The following CEACAM3 variants were observed in gnomAD, a reference collection of about 807,000 sequenced individuals.
CEACAM3 encodes the protein CEA cell adhesion molecule 3.
A neutral mutation model predicts 30.1 loss-of-function variants in CEACAM3; 32 were observed. The observed-to-expected ratio is 1.06, with a 90% CI of 0.80 to 1.43. The LOEUF (loss-of-function observed/expected upper bound fraction) is 1.43, where lower values mean the gene tolerates loss of function less well. CEACAM3 is among the 40% of genes most tolerant of loss of function. The probability of loss-of-function intolerance (pLI) is 0.00; values close to 1 mark genes in which losing one functional copy is unlikely to be tolerated. For synonymous variants in CEACAM3, 134 were observed against 127.2 expected (o/e 1.05, Z -0.36); for missense variants, 290 against 316.3 (o/e 0.92, Z 0.63).
intron 5 of CEACAM3, 137 bp downstream of exon 5, chr19:41,810,491 G>T (rs1345812133): frequency 9.3e-7 from 1 of 1,080,730 alleles, no homozygotes. Context: ...GCCCTGCCCT[G>T]GCCAGGAGCT....
chr19:41,811,159 T>TC lies in CEACAM3; in HGVS notation c.694-12dup. The TC allele has an allele frequency of 6.2e-7, 1 of 1,613,974 alleles. No homozygotes were observed. Among genetic ancestry groups the TC allele is most frequent in the Non-Finnish European group, 8.5e-7 (1 of 1,179,866 alleles). ...AGACTAGAGGGGTCCAGGCCTCTTC[T>TC]CTGTTTTAACAGGAATTGCTAAAAC... On this transcript the variant is annotated splice_polypyrimidine_tract_variant and intron_variant, in intron 6 of 6. Transcript: ENST00000357396.
At position 41,803,037 on chromosome 19, in the gene CEACAM3, C is replaced by T. The variant is rs569162658; in HGVS notation, c.424+5089C>T. ...CCAGAATATCATGTCTGGCTTTCAA[C>T]AAAACTGCACAAGACAGACTAAGGC... is the stretch of plus-strand genomic sequence containing the variant. On this transcript the variant is annotated intron_variant, in intron 2 of 6. Transcript: ENST00000357396. Among the ~76,000 whole-genome samples the T allele has an allele frequency of 2.7e-5, 4 of 150,792 alleles. No individual in the cohort carries two copies. In the South Asian group the frequency reaches 6.4e-4, roughly 24 times the overall value.
intron 2 of CEACAM3, among the ~76,000 whole-genome samples, chr19:41,800,175 A>AG (rs528865141): frequency 7.7e-4 from 117 of 152,314 alleles, no homozygotes; most frequent in African/African-American, 2.5e-3. Flanking sequence ...CTCGCTCTAT[A>AG]ATCACAACCT....
At chr19:41,809,077 C>T (rs892619343) in intron 3 of CEACAM3, 147 bp downstream of exon 3, 3 of 616,336 alleles carry the variant, frequency 4.9e-6, no homozygotes, top group Admixed American at 5.7e-5. Flanking sequence ...CGGCTCCTCC[C>T]TCGTCAGCTC....
intron 2 of CEACAM3, among the ~76,000 whole-genome samples, chr19:41,804,837 CT>C (rs782813487): frequency 0.039 from 5,652 of 145,208 alleles, 129 homozygotes; most frequent in Non-Finnish European, 0.054. Context: ...CCCCAAATTT[CT>C]TTTTTTTTTT....
In CEACAM3 at chr19:41,811,289, A is replaced by C; in HGVS notation, c.*52A>C. On this transcript the variant is annotated 3_prime_UTR_variant, in exon 7 of 7. Coordinates refer to ENST00000357396, the MANE Select transcript of CEACAM3 (RefSeq NM_001815.5). Reference sequence around the variant, plus strand: ...TTGATGGAGAGTCCCCAAGGCCCCCAGCCCTGGGGATGGGGAAGGACATGA... The same window carrying C: ...TTGATGGAGAGTCCCCAAGGCCCCCCGCCCTGGGGATGGGGAAGGACATGA... 1 of 1,478,424 alleles carries C rather than the reference A, an allele frequency of 6.8e-7. No homozygotes were observed. Among genetic ancestry groups the C allele is most frequent in the South Asian group, 1.1e-5 (1 of 88,344 alleles). The allele number at this position is 1,478,424 out of a possible 1,614,324, so 91.6% of individuals were successfully genotyped here. A position where few individuals can be genotyped will look rare whatever the true frequency, so the allele number is the denominator to read the frequency against.
In CEACAM3 at chr19:41,796,697, C is replaced by T; in HGVS notation, c.20C>T (p.Ser7Phe). 1 of 1,614,092 alleles carries T rather than the reference C, an allele frequency of 6.2e-7. No homozygotes were observed. The highest frequency in any genetic ancestry group is 8.5e-7 in the Non-Finnish European group (1 of 1,179,962). The change falls in exon 1 of 7, where the codon TCT (serine) becomes TTT (phenylalanine). Residue 7 changes from serine to phenylalanine, a missense_variant. Ser to Phe is a radical substitution (Grantham distance 155). Transcript: ENST00000357396. MGPPSA[S>F]PHRECIPWQG... ...GAGACCATGGGGCCCCCCTCAGCCT[C>T]TCCCCACAGAGAATGCATCCCCTGG...
chr19:41,810,191 G>A, intron 4 of CEACAM3, 132 bp from the exon 5 acceptor site: 1 of 1,328,360 alleles, frequency 7.5e-7, no homozygotes, highest in Non-Finnish European at 1.1e-6. Flanking sequence ...TCACCTGTGG[G>A]CTCTGGGTCA....
intron 6 of CEACAM3, 26 bp downstream of exon 6, chr19:41,810,923 G>T: frequency 2.5e-6 from 4 of 1,604,822 alleles, no homozygotes; most frequent in Non-Finnish European, 3.4e-6. Context: ...GGATGTTCTG[G>T]TCCCACAGGC....
chr19:41,805,671 G>A (rs1225898133), intron 2 of CEACAM3, among the ~76,000 whole-genome samples: 1 of 152,156 alleles, frequency 6.6e-6, no homozygotes, highest in African/African-American at 2.4e-5. Context: ...GTCCTTGTAC[G>A]ACTGACTTCT....
Position 41,797,917 on chromosome 19 carries a change from T to C in CEACAM3, c.393T>C (p.Asn131=), listed in dbSNP as rs782185956. 1.6e-5 allele frequency: 25 copies of C among 1,611,220 alleles called. No individual in the cohort carries two copies. The highest frequency in any genetic ancestry group is 2.0e-5 in the Non-Finnish European group (23 of 1,178,538). Residue 131 remains asparagine (N), a synonymous_variant, in exon 2 of 7, where the codon AAT becomes AAC. Coordinates refer to ENST00000357396, the MANE Select transcript of CEACAM3 (RefSeq NM_001815.5). ...TLQVIKSDLV[N]EEATGQFHVY... The stretch of plus-strand genomic sequence containing the variant: ...AAGTCATAAAGTCAGATCTTGTGAA[T>C]GAAGAAGCAACTGGACAGTTCCATG...
In CEACAM3 at chr19:41,803,489, C is replaced by T. The variant is rs1401234736; in HGVS notation, c.425-5324C>T. Among the ~76,000 whole-genome samples, 97 of 62,038 alleles carry T rather than the reference C, an allele frequency of 1.6e-3. 3 individuals carry two copies. The highest frequency in any genetic ancestry group is 3.4e-3 in the African/African-American group (94 of 27,972). The allele number at this position is 62,038 out of a possible 152,430, so 40.7% of individuals were successfully genotyped here. A position where few individuals can be genotyped will look rare whatever the true frequency, so the allele number is the denominator to read the frequency against. ...TTGTTTGTTTTTTTTTTTTTTGAGA[C>T]AGAGTCTCGCTCTGTACCCCAGGCT... is the stretch of plus-strand genomic sequence containing the variant. On this transcript the variant is annotated intron_variant, in intron 2 of 6. Transcript: ENST00000357396.
intron 1 of CEACAM3, 74 bp from the exon 2 acceptor site, chr19:41,797,515 C>T: frequency 2.6e-6 from 4 of 1,545,258 alleles, no homozygotes; most frequent in Non-Finnish European, 3.5e-6. Flanking sequence ...AAGAGACTCT[C>T]TCAGGACCCA....
chr19:41,809,689 C>A, intron 3 of CEACAM3: 1 of 369,808 alleles, frequency 2.7e-6, no homozygotes. Context: ...CTGTTTCCTT[C>A]CTTGGGTCCT....
Position 41,804,058 on chromosome 19 carries a change from G to A in CEACAM3, c.425-4755G>A, listed in dbSNP as rs548732560. ...ATAGCGCGATTTCACTCCAGCCTGG[G>A]CAACAAGAGCAAAACTCTGCCTCAA... On this transcript the variant is annotated intron_variant, in intron 2 of 6. Transcript: ENST00000357396. Among the ~76,000 whole-genome samples the A allele has an allele frequency of 3.2e-4, 48 of 151,270 alleles. 2 individuals carry two copies. In the South Asian group the frequency reaches 0.01, roughly 32 times the overall value.
intron 2 of CEACAM3, among the ~76,000 whole-genome samples, chr19:41,805,584 C>T (rs2073192218): frequency 6.6e-6 from 1 of 152,200 alleles, no homozygotes; most frequent in Admixed American, 6.5e-5. Flanking sequence ...CCACCGCACC[C>T]GGTCTGCATT....
chr19:41,810,223 G>A, intron 4 of CEACAM3, 100 bp from the exon 5 acceptor site: 1 of 1,473,588 alleles, frequency 6.8e-7, no homozygotes, highest in Non-Finnish European at 9.3e-7. Flanking sequence ...CCCAACCTCA[G>A]CTGCTCAGGT....
chr19:41,800,850 C>A (rs2073140309), intron 2 of CEACAM3, among the ~76,000 whole-genome samples: 1 of 152,246 alleles, frequency 6.6e-6, no homozygotes, highest in East Asian at 1.9e-4. Context: ...GGGGCCACTA[C>A]CAGTCTCCGC....
intron 2 of CEACAM3, among the ~76,000 whole-genome samples, chr19:41,804,620 C>T (rs950362558): frequency 6.6e-6 from 1 of 152,182 alleles, no homozygotes; most frequent in Non-Finnish European, 1.5e-5. Flanking sequence ...CCTAACAGGA[C>T]TCACAATTCT....
Sources: allele counts gnomAD v4.1 joint callset (sites outside exome capture counted in the v4.1 genomes callset), GRCh38; gene constraint gnomAD v4.1.1; transcripts MANE v1.5; gene names NCBI Gene and HGNC (gene_info 2026-07-23, HGNC 2026-07-21).